CAMTA1: variants seen among roughly 807,000 people sequenced by gnomAD.
The protein encoded by CAMTA1 is calmodulin binding transcription activator 1.
In CAMTA1, 27 loss-of-function variants were observed where a neutral mutation model predicts 170.9. The ratio of observed to expected loss-of-function variants is 0.16; its 90% CI spans 0.12 to 0.22. The LOEUF is 0.22. Among genes scored for constraint, CAMTA1 ranks in the 10% least tolerant of loss-of-function variants. CAMTA1 has a pLI of 1.00. For synonymous variants in CAMTA1, 833 were observed against 891.5 expected, an observed-to-expected ratio of 0.93 and a Z score of 1.17; for missense variants, 1,619 against 2,217.2, an observed-to-expected ratio of 0.73 and a Z score of 5.42.
Position 7,534,771 on chromosome 1 carries a change from G to C in CAMTA1, c.510+66870G>C, listed in dbSNP as rs1028947540. Among the ~76,000 whole-genome samples, 1 of 152,204 alleles carries C rather than the reference G, an allele frequency of 6.6e-6. No individual in the cohort carries two copies. Among genetic ancestry groups the C allele is most frequent in the Non-Finnish European group, 1.5e-5 (1 of 68,044 alleles). On this transcript the variant is annotated intron_variant, in intron 6 of 22. Coordinates refer to ENST00000303635, the MANE Select transcript of CAMTA1 (RefSeq NM_015215.4). This position sits in a 1 kb window ranked among gnomAD's most constrained non-coding sequence, Gnocchi z 5.6. ...TGGGGGGCTGCTGCTGGGTCAGTTT[G>C]GGGTTCCACTAGCAGTCCTCAACTT...
chr1:7,706,783 T>C (rs2096528930), intron 11 of CAMTA1, among the ~76,000 whole-genome samples: 1 of 152,206 alleles, frequency 6.6e-6, no homozygotes, highest in South Asian at 2.1e-4. Flanking sequence ...ACAACTCAAA[T>C]GGAAATACAG....
At chr1:7,290,909 A>C (rs961837364) in intron 5 of CAMTA1, among the ~76,000 whole-genome samples, 1 of 151,994 alleles carries the variant, frequency 6.6e-6, no homozygotes, top group African/African-American at 2.4e-5. Flanking sequence ...CAAATGAGGA[A>C]ATGGGGGCTC....
chr1:7,454,624 G>C (rs749372821), intron 5 of CAMTA1, among the ~76,000 whole-genome samples: 3 of 152,192 alleles, frequency 2.0e-5, no homozygotes, highest in African/African-American at 7.2e-5. Context: ...GGAGGACCGA[G>C]TGAGTTTCTC....
intron 6 of CAMTA1, among the ~76,000 whole-genome samples, chr1:7,607,805 C>G (rs1171956646): frequency 6.6e-6 from 1 of 152,122 alleles, no homozygotes; most frequent in African/African-American, 2.4e-5. Flanking sequence ...TCTGTGGATC[C>G]AGAAAACAAA....
At chr1:6,995,525 A>G (rs1019468829) in intron 3 of CAMTA1, among the ~76,000 whole-genome samples, 7 of 151,766 alleles carry the variant, frequency 4.6e-5, no homozygotes, top group African/African-American at 7.3e-5. Context: ...GATTGTCTCA[A>G]TCTCTTGACC....
intron 3 of CAMTA1, among the ~76,000 whole-genome samples, chr1:6,843,627 G>A (rs543989709): frequency 2.8e-4 from 43 of 152,138 alleles, no homozygotes; most frequent in Non-Finnish European, 5.9e-4. Flanking sequence ...TTACAGGCAC[G>A]CACCACCATG....
At chr1:6,917,183 T>A (rs1680990690) in intron 3 of CAMTA1, among the ~76,000 whole-genome samples, 1 of 151,388 alleles carries the variant, frequency 6.6e-6, no homozygotes, top group East Asian at 2.0e-4. Flanking sequence ...GGGTTTGCAG[T>A]GTGGGGAATG....
At chr1:7,247,151 A>G (rs1574176919) in intron 4 of CAMTA1, among the ~76,000 whole-genome samples, 2 of 152,244 alleles carry the variant, frequency 1.3e-5, no homozygotes, top group East Asian at 3.8e-4. Context: ...CATTATTGCA[A>G]GTTAAAATGA....
intron 5 of CAMTA1, among the ~76,000 whole-genome samples, chr1:7,390,844 C>T (rs182275889): frequency 4.7e-4 from 71 of 152,346 alleles, no homozygotes; most frequent in African/African-American, 1.7e-3. Flanking sequence ...GACTCCACAC[C>T]AAGCACTGGG....
intron 6 of CAMTA1, among the ~76,000 whole-genome samples, chr1:7,608,346 G>T (rs771384842): frequency 6.6e-6 from 1 of 152,220 alleles, no homozygotes; most frequent in Non-Finnish European, 1.5e-5. Flanking sequence ...AGACAAATTG[G>T]ACAGAGCCAG....
At chr1:7,372,977 G>A (rs932038158) in intron 5 of CAMTA1, among the ~76,000 whole-genome samples, 3 of 152,212 alleles carry the variant, frequency 2.0e-5, no homozygotes, top group Non-Finnish European at 4.4e-5. Context: ...TTTACTCAGA[G>A]CTCTGTCACC....
At chr1:7,244,748 G>A (rs1287110791) in intron 4 of CAMTA1, among the ~76,000 whole-genome samples, 1 of 152,118 alleles carries the variant, frequency 6.6e-6, no homozygotes, top group Non-Finnish European at 1.5e-5. Context: ...TTGTGGGGTT[G>A]GGGGAGGCGG....
At chr1:6,832,294 T>A (rs1332803782) in intron 3 of CAMTA1, among the ~76,000 whole-genome samples, 1 of 152,080 alleles carries the variant, frequency 6.6e-6, no homozygotes, top group African/African-American at 2.4e-5. Context: ...CCAAGGCCCA[T>A]CCAAACAACT....
intron 1 of CAMTA1, among the ~76,000 whole-genome samples, chr1:6,800,896 T>A (rs1388386660): frequency 6.6e-6 from 1 of 152,216 alleles, no homozygotes; most frequent in Non-Finnish European, 1.5e-5. Flanking sequence ...TTCCTGGTGT[T>A]CGTGTAAACA....
chr1:7,050,486 T>C lies in CAMTA1; in HGVS notation c.235-40818T>C, dbSNP rs1706154997. 6.6e-6 allele frequency among the ~76,000 whole-genome samples: 1 copy of C among 152,116 alleles called. No homozygotes were observed. The highest frequency in any genetic ancestry group is 1.5e-5 in the Non-Finnish European group (1 of 68,006). On this transcript the variant is annotated intron_variant, in intron 3 of 22. Transcript: ENST00000303635. The surrounding 1 kb of genome is among the most constrained non-coding windows in gnomAD (Gnocchi z 4.8). ...CAGATGAAGACTCTCAAACAGGCCTTGGCTGCATCAAACACATCGCGGGGG... is the reference window on the plus strand; with the variant it reads ...CAGATGAAGACTCTCAAACAGGCCTCGGCTGCATCAAACACATCGCGGGGG...
Position 6,825,223 on chromosome 1 carries a change from C to A in CAMTA1, c.234+13C>A. 6.7e-7 allele frequency: 1 copy of A among 1,486,906 alleles called. No homozygotes were observed. Among genetic ancestry groups the A allele is most frequent in the South Asian group, 1.2e-5 (1 of 81,492 alleles). The allele number at this position is 1,486,906 out of a possible 1,614,324, so 92.1% of individuals were successfully genotyped here. ...GAACACTAATGAGGTAGATAAGTTT[C>A]TTTTTTTAAGGGTATAATTATTTTA... On this transcript the variant is annotated intron_variant, in intron 3 of 22. Coordinates refer to ENST00000303635, the MANE Select transcript of CAMTA1 (RefSeq NM_015215.4).
In CAMTA1 at chr1:7,635,767, A is replaced by G. The variant is rs1219121779; in HGVS notation, c.511-4633A>G. 6.6e-6 allele frequency among the ~76,000 whole-genome samples: 1 copy of G among 152,208 alleles called. No homozygotes were observed. The highest frequency in any genetic ancestry group is 2.4e-5 in the African/African-American group (1 of 41,452). ...GCAAAGCAGCTCAGCAAGGACTCTG[A>G]CACCGTTATGAGCACTCCATGAAAC... On this transcript the variant is annotated intron_variant, in intron 6 of 22. Coordinates refer to ENST00000303635, the MANE Select transcript of CAMTA1 (RefSeq NM_015215.4). The surrounding 1 kb of genome is among the most constrained non-coding windows in gnomAD (Gnocchi z 4.4).
chr1:7,399,442 C>T (rs1341418938), intron 5 of CAMTA1, among the ~76,000 whole-genome samples: 2 of 152,200 alleles, frequency 1.3e-5, no homozygotes, highest in Non-Finnish European at 2.9e-5. Context: ...GCTACCCAGC[C>T]TCAGGTATTC....
At chr1:7,543,366 A>G (rs1018173874) in intron 6 of CAMTA1, among the ~76,000 whole-genome samples, 21 of 152,168 alleles carry the variant, frequency 1.4e-4, no homozygotes, top group African/African-American at 5.1e-4. Flanking sequence ...TCCCATTTGC[A>G]CTGAGAATAA....
Sources: allele counts gnomAD v4.1 joint callset (sites outside exome capture counted in the v4.1 genomes callset), GRCh38; gene constraint gnomAD v4.1.1; non-coding constraint Gnocchi (gnomAD v3.1); transcripts MANE v1.5; gene names NCBI Gene and HGNC (gene_info 2026-07-23, HGNC 2026-07-21).